TRHDE: variants seen among roughly 807,000 people sequenced by gnomAD.
The protein encoded by TRHDE is thyrotropin releasing hormone degrading enzyme, also known as thyrotropin-releasing hormone-degrading ectoenzyme.
Under a neutral mutation model 125.7 loss-of-function variants are expected in TRHDE, and 72 were observed. The observed-to-expected ratio is 0.57, with a 90% confidence interval of 0.47 to 0.70. The LOEUF is 0.70. TRHDE is among the 30% of genes least tolerant of loss of function. TRHDE has a pLI of 0.00. For synonymous variants in TRHDE, 509 were observed against 509.1 expected, an observed-to-expected ratio of 1.00 and a Z score of 0.00; for missense variants, 1,110 against 1,327.1, an observed-to-expected ratio of 0.84 and a Z score of 2.54.
At position 72,669,289 on chromosome 12, in the gene TRHDE, C is replaced by T. The variant is rs1441193445; in HGVS notation, c.*6094C>T. ...AGTGAGGTCAGAGAAGTATCTCTGT[C>T]ATTCTGCTTAGAAGTATACATGGAC... On this transcript the variant is annotated 3_prime_UTR_variant, in exon 19 of 19. Coordinates refer to ENST00000261180, the MANE Select transcript of TRHDE (RefSeq NM_013381.3). 6.6e-6 allele frequency: 1 copy of T among 151,804 alleles called. No individual in the cohort carries two copies. Among genetic ancestry groups the T allele is most frequent in the African/African-American group, 2.4e-5 (1 of 41,396 alleles). 9.4% of individuals were successfully genotyped at this position (151,804 alleles called of 1,614,324 possible).
intron 4 of TRHDE, among the ~76,000 whole-genome samples, chr12:72,472,302 T>C (rs1458915267): frequency 6.6e-6 from 1 of 152,216 alleles, no homozygotes; most frequent in Non-Finnish European, 1.5e-5. Context: ...ATATAATGTA[T>C]TTTTTGCTTT....
At chr12:72,437,625 A>G (rs533061495) in intron 3 of TRHDE, among the ~76,000 whole-genome samples, 21 of 151,970 alleles carry the variant, frequency 1.4e-4, no homozygotes, top group Admixed American at 1.2e-3. Flanking sequence ...AATAGTTTCT[A>G]TTCAATAGTT....
chr12:72,642,436 C>T (rs1284599512), intron 15 of TRHDE, among the ~76,000 whole-genome samples: 1 of 152,062 alleles, frequency 6.6e-6, no homozygotes, highest in African/African-American at 2.4e-5. Flanking sequence ...TGTCACAATC[C>T]TATTTAAAAT....
chr12:72,096,341 G>T (rs1043635060), intron 1 of TRHDE, among the ~76,000 whole-genome samples: 4 of 152,106 alleles, frequency 2.6e-5, no homozygotes, highest in Non-Finnish European at 5.9e-5. Flanking sequence ...ACACAAAGAG[G>T]CTTCTCTTTT....
intron 2 of TRHDE, among the ~76,000 whole-genome samples, chr12:72,322,931 T>G (rs1869165095): frequency 6.6e-6 from 1 of 152,112 alleles, no homozygotes; most frequent in Non-Finnish European, 1.5e-5. Context: ...TGTTACTGAT[T>G]AGCTGTGTAA....
intron 18 of TRHDE, among the ~76,000 whole-genome samples, chr12:72,660,884 C>T (rs941610852): frequency 6.6e-6 from 1 of 152,114 alleles, no homozygotes; most frequent in Non-Finnish European, 1.5e-5. Flanking sequence ...TTACCCCAAG[C>T]CCTCTAAGGT....
At chr12:72,603,564 A>G (rs1872295143) in intron 12 of TRHDE, among the ~76,000 whole-genome samples, 1 of 152,004 alleles carries the variant, frequency 6.6e-6, no homozygotes, top group African/African-American at 2.4e-5. Flanking sequence ...TCTCTACTAA[A>G]AATACAAAAA....
intron 2 of TRHDE, among the ~76,000 whole-genome samples, chr12:72,144,231 C>T (rs1193246378): frequency 6.6e-6 from 1 of 152,178 alleles, no homozygotes; most frequent in Non-Finnish European, 1.5e-5. Context: ...CGGTAGGACT[C>T]ACAGTGGGTC....
At chr12:72,276,803 G>A (rs1381360707) in intron 1 of TRHDE, among the ~76,000 whole-genome samples, 5 of 152,242 alleles carry the variant, frequency 3.3e-5, no homozygotes, top group East Asian at 1.9e-4. Flanking sequence ...AAGTAAATTA[G>A]GCAGAATACA....
chr12:72,132,879 A>T (rs1875895142), intron 2 of TRHDE, among the ~76,000 whole-genome samples: 1 of 152,060 alleles, frequency 6.6e-6, no homozygotes, highest in Non-Finnish European at 1.5e-5. Context: ...TTTTGTAGAA[A>T]AGGGGACCTG....
intron 2 of TRHDE, chr12:72,147,629 G>A (rs1433349121): frequency 6.6e-6 from 1 of 152,080 alleles, no homozygotes; most frequent in Non-Finnish European, 1.5e-5. Flanking sequence ...TCTCAAACTC[G>A]AAAAGCCATT....
At chr12:72,112,738 C>T (rs1875348732) in intron 2 of TRHDE, among the ~76,000 whole-genome samples, 1 of 152,172 alleles carries the variant, frequency 6.6e-6, no homozygotes, top group South Asian at 2.1e-4. Context: ...AGCCATTAAT[C>T]ACACTCCTAG....
In TRHDE at chr12:72,393,016, T is replaced by G. The variant is rs974543085; in HGVS notation, c.1315+14895T>G. Among the ~76,000 whole-genome samples, 6 of 152,234 alleles carry G rather than the reference T, an allele frequency of 3.9e-5. No individual in the cohort carries two copies. In the South Asian group the frequency reaches 1.2e-3, roughly 32 times the overall value. On this transcript the variant is annotated intron_variant, in intron 3 of 18. Transcript: ENST00000261180. ...ATTTAAAAATTATACACTACACATT[T>G]GTATACAAATTTATTTATATATACT... is the stretch of plus-strand genomic sequence containing the variant.
intron 6 of TRHDE, among the ~76,000 whole-genome samples, chr12:72,524,517 C>T (rs111852201): frequency 2.0e-5 from 3 of 152,234 alleles, no homozygotes; most frequent in African/African-American, 7.2e-5. Flanking sequence ...ATGATGGAAA[C>T]ATCAGTTATG....
At chr12:72,104,983 C>A (rs772939931) in intron 1 of TRHDE, among the ~76,000 whole-genome samples, 1 of 152,168 alleles carries the variant, frequency 6.6e-6, no homozygotes. Context: ...AGCAGCTCCA[C>A]GCTCACACTA....
At chr12:72,179,188 C>T (rs959095283) in intron 2 of TRHDE, among the ~76,000 whole-genome samples, 6 of 152,066 alleles carry the variant, frequency 3.9e-5, no homozygotes, top group Non-Finnish European at 5.9e-5. Context: ...CAGGATATAT[C>T]GTGAGTAAAT....
chr12:72,368,204 A>G (rs988423317), intron 2 of TRHDE, among the ~76,000 whole-genome samples: 2 of 152,166 alleles, frequency 1.3e-5, no homozygotes, highest in Non-Finnish European at 2.9e-5. Flanking sequence ...CAAATTCTTA[A>G]TGAACAAAAT....
At chr12:72,094,142 G>C (rs1874854933) in intron 1 of TRHDE, among the ~76,000 whole-genome samples, 1 of 152,168 alleles carries the variant, frequency 6.6e-6, no homozygotes, top group South Asian at 2.1e-4. Context: ...CTGGTCCTTG[G>C]GTGAACCAGA....
intron 17 of TRHDE, 66 bp downstream of exon 17, chr12:72,653,222 G>A (rs1378172523): frequency 6.5e-6 from 9 of 1,382,980 alleles, no homozygotes; most frequent in African/African-American, 1.5e-5. Flanking sequence ...AAAGGCCCAA[G>A]TTTTGTGTTA....
Sources: gnomAD v4.1 joint callset for allele counts (sites outside exome capture counted in the v4.1 genomes callset) on GRCh38, gnomAD v4.1.1 for gene constraint, MANE v1.5 for transcripts, NCBI Gene and HGNC (gene_info 2026-07-23, HGNC 2026-07-21) for gene names.